CHD1: variants seen among roughly 807,000 people sequenced by gnomAD.
CHD1 encodes ATP-dependent chromatin remodeler CHD1.
In CHD1, 36 loss-of-function variants were observed where a neutral mutation model predicts 224.2. The ratio of observed to expected loss-of-function variants is 0.16; its 90% confidence interval spans 0.12 to 0.21. CHD1 has a LOEUF of 0.21. CHD1 is among the 10% of genes least tolerant of loss of function. The probability of loss-of-function intolerance (pLI) is 1.00; values close to 1 mark genes in which losing one functional copy is unlikely to be tolerated. For missense variants in CHD1, 1,378 were observed against 1,994.8 expected, an observed-to-expected ratio of 0.69 and a Z score of 5.89; for synonymous variants, 668 against 658.3, an observed-to-expected ratio of 1.01 and a Z score of -0.23.
At chr5:98,871,368 GCA>G (rs1491430058) in intron 28 of CHD1, among the ~76,000 whole-genome samples, 1 of 26,886 alleles carries the variant, frequency 3.7e-5, no homozygotes, top group Non-Finnish European at 6.5e-5. Flanking sequence ...CCCATTTTAG[GCA>G]AAAAAAAAAA....
chr5:98,860,404 G>GCA (rs1748379121), intron 32 of CHD1: 1 of 314,136 alleles, frequency 3.2e-6, no homozygotes, highest in Non-Finnish European at 6.1e-6. Context: ...TCCTGATTAT[G>GCA]CATATAAGGG....
Position 98,869,967 on chromosome 5 carries a change from A to G in CHD1, c.3979-85T>C. On this transcript the variant is annotated intron_variant, in intron 29 of 35. Coordinates refer to ENST00000614616, the MANE Select transcript of CHD1 (RefSeq NM_001270.4). ...AAACATTAAATCCAAGGGCTAGAAC[A>G]CATATTCCTACCTGATCCTTAGTCT... 4 of 948,398 alleles carry G rather than the reference A, an allele frequency of 4.2e-6. No homozygotes were observed. In the East Asian group the frequency reaches 7.8e-5, roughly 19 times the overall value. 58.7% of individuals were successfully genotyped at this position (948,398 alleles called of 1,614,324 possible). A position where few individuals can be genotyped will look rare whatever the true frequency, so the allele number is the denominator to read the frequency against.
At chr5:98,898,132 T>A (rs971755676) in intron 10 of CHD1, 124 bp downstream of exon 10, 1 of 469,416 alleles carries the variant, frequency 2.1e-6, no homozygotes, top group Non-Finnish European at 3.4e-6. Context: ...GTAAGACCTA[T>A]TAACCAAGAA....
At chr5:98,906,019 A>G (rs777328978) in intron 2 of CHD1, among the ~76,000 whole-genome samples, 4 of 152,190 alleles carry the variant, frequency 2.6e-5, no homozygotes, top group Non-Finnish European at 5.9e-5. Flanking sequence ...AGAAAATACA[A>G]GTTTCCTGTC....
chr5:98,904,054 T>C (rs1388421607), intron 3 of CHD1, 146 bp from the exon 4 acceptor site: 4 of 584,216 alleles, frequency 6.8e-6, no homozygotes, highest in Non-Finnish European at 1.2e-5. Flanking sequence ...ACAATTATCA[T>C]TGCAATATAG....
In CHD1 at chr5:98,858,343, C is replaced by T; in HGVS notation, c.4624G>A (p.Asp1542Asn). 6.2e-7 allele frequency: 1 copy of T among 1,613,084 alleles called. No individual in the cohort carries two copies. The highest frequency in any genetic ancestry group is 8.5e-7 in the Non-Finnish European group (1 of 1,179,234). Reference protein sequence around the residue: ...ENTNHDDSSRDSYSSDRHLTQ... With the variant: ...ENTNHDDSSRNSYSSDRHLTQ... ...AAGTGTCTATCAGAGGAATAACTGTCCCTGCTGCTATCATCGTGATTTGTA... is the reference window on the plus strand; with the variant it reads ...AAGTGTCTATCAGAGGAATAACTGTTCCTGCTGCTATCATCGTGATTTGTA... The change falls in exon 35 of 36, where the codon GAC becomes AAC. Residue 1542 changes from aspartate to asparagine, a missense_variant. By Grantham distance (23) the Asp-to-Asn change is conservative (BLOSUM62 1). Around this residue, in one of 16 missense-constraint regions of CHD1, gnomAD observed 278 missense variants for 298.5 expected, o/e 0.93. Transcript: ENST00000614616.
chr5:98,878,011 C>G (rs1486993563), intron 23 of CHD1, among the ~76,000 whole-genome samples: 1 of 152,184 alleles, frequency 6.6e-6, no homozygotes, highest in Admixed American at 6.5e-5. Flanking sequence ...AGGACTTGAA[C>G]AGTGGCTCAT....
chr5:98,889,266 G>C, intron 15 of CHD1, 28 bp from the exon 16 acceptor site: 1 of 1,488,462 alleles, frequency 6.7e-7, no homozygotes, highest in Non-Finnish European at 9.1e-7. Context: ...TGAAAACGAT[G>C]TTTAGCAGAA....
At chr5:98,876,341 T>C (rs1749754313) in intron 24 of CHD1, 57 bp downstream of exon 24, 5 of 1,522,280 alleles carry the variant, frequency 3.3e-6, no homozygotes, top group Non-Finnish European at 4.5e-6. Context: ...CGTTTTTACA[T>C]TTTAGTTTCA....
chr5:98,911,146 A>AATATATATATATATATATATATAT (rs1158932549), intron 2 of CHD1, among the ~76,000 whole-genome samples: 13 of 39,128 alleles, frequency 3.3e-4, no homozygotes, highest in South Asian at 1.1e-3. Flanking sequence ...AAAAAAAAAA[A>AATATATATATATATATATATATAT]ATATATATAT....
chr5:98,879,476 C>G, intron 23 of CHD1, 76 bp downstream of exon 23: 1 of 1,330,032 alleles, frequency 7.5e-7, no homozygotes, highest in South Asian at 1.5e-5. Flanking sequence ...GGACTGATAC[C>G]TCGTAGAAAC....
intron 2 of CHD1, among the ~76,000 whole-genome samples, chr5:98,911,671 C>T (rs1441653864): frequency 1.3e-5 from 2 of 152,184 alleles, no homozygotes; most frequent in Admixed American, 6.5e-5. Flanking sequence ...GAAGATATAT[C>T]ATTACCAACA....
rs1420360672 is a variant in CHD1 at position 98,881,259 on chromosome 5, T to C, written c.2964+20A>G. On this transcript the variant is annotated intron_variant, in intron 21 of 35. Coordinates refer to ENST00000614616, the MANE Select transcript of CHD1 (RefSeq NM_001270.4). ...ACATATTCTGAGGCAGGCCTTTTTT[T>C]TTTTTTTTTTTTTTTTTACCTGGGG... The C allele has an allele frequency of 1.6e-5, 20 of 1,290,308 alleles. No homozygotes were observed. Among genetic ancestry groups the C allele is most frequent in the Non-Finnish European group, 1.9e-5 (18 of 972,032 alleles). 79.9% of individuals were successfully genotyped at this position (1,290,308 alleles called of 1,614,324 possible). A position where few individuals can be genotyped will look rare whatever the true frequency, so the allele number is the denominator to read the frequency against.
chr5:98,911,130 GAAAAA>G (rs11451331), intron 2 of CHD1, among the ~76,000 whole-genome samples: 41 of 44,028 alleles, frequency 9.3e-4, no homozygotes, highest in East Asian at 1.1e-3. Context: ...GTGCTAAAAT[GAAAAA>G]AAAAAAAAAA....
chr5:98,866,386 T>C (rs1190886514), intron 31 of CHD1, among the ~76,000 whole-genome samples: 1 of 152,174 alleles, frequency 6.6e-6, no homozygotes, highest in Non-Finnish European at 1.5e-5. Flanking sequence ...AGTTGAACTA[T>C]ATTAGGGCAT....
Position 98,899,578 on chromosome 5 carries a change from G to A in CHD1, c.987C>T (p.His329=), listed in dbSNP as rs1347323893. The change falls in exon 8 of 36, where the codon CAC becomes CAT. Residue 329 remains histidine, a synonymous_variant. Coordinates refer to ENST00000614616, the MANE Select transcript of CHD1 (RefSeq NM_001270.4). ...LIKWKGWSHI[H]NTWETEETLK... ...GGGTTTCTTCTGTCTCCCAAGTGTT[G>A]TGGATATGGGACCATCCTTTCCATT... 1.4e-5 allele frequency: 23 copies of A among 1,613,080 alleles called. No individual in the cohort carries two copies. Among genetic ancestry groups the A allele is most frequent in the Non-Finnish European group, 1.8e-5 (21 of 1,179,672 alleles).
intron 7 of CHD1, 115 bp from the exon 8 acceptor site, chr5:98,899,820 T>A (rs915859771): frequency 1.5e-6 from 1 of 675,514 alleles, no homozygotes; most frequent in Non-Finnish European, 2.5e-6. Flanking sequence ...AAATAAAGTA[T>A]TGGGGGTATA....
intron 2 of CHD1, among the ~76,000 whole-genome samples, chr5:98,907,680 C>T (rs754102119): frequency 1.3e-5 from 2 of 149,870 alleles, no homozygotes; most frequent in Admixed American, 1.3e-4. Flanking sequence ...AAAAAAGATA[C>T]CAAATGTTTA....
At chr5:98,925,018 A>G (rs955258727) in intron 2 of CHD1, among the ~76,000 whole-genome samples, 11 of 151,988 alleles carry the variant, frequency 7.2e-5, no homozygotes, top group Admixed American at 5.9e-4. Flanking sequence ...GTTTCAGATC[A>G]AATACAAATA....
Sources: gnomAD v4.1 joint callset for allele counts (sites outside exome capture counted in the v4.1 genomes callset) on GRCh38, gnomAD v4.1.1 for gene constraint, gnomAD v4.1.1 regional missense constraint, MANE v1.5 for transcripts, NCBI Gene and HGNC (gene_info 2026-07-23, HGNC 2026-07-21) for gene names.